Variants in TTC39A observed in about 807,000 individuals in gnomAD.
TTC39A encodes the protein tetratricopeptide repeat protein 39A.
Under a neutral mutation model 82.3 loss-of-function variants are expected in TTC39A, and 46 were observed. The ratio of observed to expected loss-of-function variants is 0.56; its 90% CI spans 0.44 to 0.71. TTC39A has a LOEUF of 0.71. Ranked by LOEUF, TTC39A falls within the 30% of genes least tolerant of loss-of-function variation. TTC39A has a pLI of 0.00. For synonymous variants in TTC39A, 254 were observed against 275.2 expected (o/e 0.92, Z 0.76); for missense variants, 543 against 712.9 (o/e 0.76, Z 2.71).
At chr1:51,320,871 GTTTTTTTTT>G (rs770160259) in intron 2 of TTC39A, among the ~76,000 whole-genome samples, 2 of 126,762 alleles carry the variant, frequency 1.6e-5, no homozygotes, top group African/African-American at 6.3e-5. Context: ...ATGTTTTCTG[GTTTTTTTTT>G]TTTTTTTTTT....
intron 8 of TTC39A, among the ~76,000 whole-genome samples, chr1:51,303,809 C>T (rs901181595): frequency 5.3e-5 from 8 of 152,222 alleles, no homozygotes; most frequent in East Asian, 1.9e-4. Flanking sequence ...CAGTAGGTCC[C>T]GCAACCCTCC....
At chr1:51,344,939 GC>G in intron 1 of TTC39A, 1 of 1,519,940 alleles carries the variant, frequency 6.6e-7, no homozygotes, top group Non-Finnish European at 8.8e-7. Context: ...TCCTCCGGCG[GC>G]CCCTTGGTCC....
chr1:51,321,864 C>T lies in TTC39A; in HGVS notation c.42-39G>A. On this transcript the variant is annotated intron_variant, in intron 1 of 17. Transcript: ENST00000680483. This position sits in a 1 kb window ranked among gnomAD's most constrained non-coding sequence, Gnocchi z 4.6. ...TGCGGGGCATGACACAGGGGCCCTC[C>T]AACCCTCCAGCCTCTCCTGGCTGGA... 2 of 1,569,032 alleles carry T rather than the reference C, an allele frequency of 1.3e-6. No homozygotes were observed. The highest frequency in any genetic ancestry group is 1.4e-5 in the African/African-American group (1 of 74,054).
intron 5 of TTC39A, 64 bp downstream of exon 5, chr1:51,311,190 A>G: frequency 6.7e-7 from 1 of 1,487,290 alleles, no homozygotes; most frequent in Non-Finnish European, 9.1e-7. Context: ...GGGATGGGTC[A>G]TGGTTGGACG....
chr1:51,301,739 G>A lies in TTC39A; in HGVS notation c.892-6C>T, dbSNP rs1197356668. The A allele has an allele frequency of 1.1e-5, 17 of 1,600,690 alleles. No homozygotes were observed. Among genetic ancestry groups the A allele is most frequent in the African/African-American group, 1.3e-5 (1 of 74,890 alleles). ...TCCTCGAAACGCCGGATGGCCTGCA[G>A]GCACCTTCTGGTCAGCCTGACGGGT... On this transcript the variant is annotated splice_region_variant and splice_polypyrimidine_tract_variant and intron_variant, in intron 11 of 17. Transcript: ENST00000680483.
Position 51,330,152 on chromosome 1 carries a change from G to A in TTC39A, c.41+285C>T. ...CAGGAGTGAACGCCACGAGGCAGGT[G>A]GGGAAGGCTGCTCTGAACGTGTCTG... On this transcript the variant is annotated intron_variant, in intron 1 of 17. Coordinates refer to ENST00000680483, the MANE Select transcript of TTC39A (RefSeq NM_001297663.2). This position sits in a 1 kb window ranked among gnomAD's most constrained non-coding sequence, Gnocchi z 4.5. 1 of 985,540 alleles carries A rather than the reference G, an allele frequency of 1.0e-6. No homozygotes were observed. The highest frequency in any genetic ancestry group is 1.2e-6 in the Non-Finnish European group (1 of 830,020). 61.0% of individuals were successfully genotyped at this position (985,540 alleles called of 1,614,324 possible).
chr1:51,344,670 C>T lies in TTC39A; in HGVS notation c.53+321G>A, dbSNP rs191423661. Among the ~76,000 whole-genome samples, 411 of 152,352 alleles carry T rather than the reference C, an allele frequency of 2.7e-3. 3 individuals carry two copies. The highest frequency in any genetic ancestry group is 4.1e-3 in the Non-Finnish European group (281 of 68,028). On this transcript the variant is annotated intron_variant, in intron 1 of 5. Transcript: ENST00000401051. ...GGAGGGTTGAGCGCAGACGCCGCTGCCCAAACCTGACCGCCAGCCCCACCT... is the reference window on the plus strand; with the variant it reads ...GGAGGGTTGAGCGCAGACGCCGCTGTCCAAACCTGACCGCCAGCCCCACCT...
intron 1 of TTC39A, among the ~76,000 whole-genome samples, chr1:51,344,653 G>C (rs948291886): frequency 3.9e-5 from 6 of 152,244 alleles, no homozygotes; most frequent in Non-Finnish European, 7.3e-5. Context: ...ATGGAGGGTT[G>C]AGCGCAGACG....
At chr1:51,290,484 T>C in intron 15 of TTC39A, 30 bp downstream of exon 15, 1 of 1,587,266 alleles carries the variant, frequency 6.3e-7, no homozygotes, top group Non-Finnish European at 8.6e-7. Flanking sequence ...TGACCTAGCA[T>C]GGCAGGCCCA....
chr1:51,311,456 C>G, intron 4 of TTC39A, 135 bp from the exon 5 acceptor site: 1 of 726,556 alleles, frequency 1.4e-6, no homozygotes, highest in African/African-American at 1.8e-5. Context: ...TACCTCGTCA[C>G]CCAGTGCTTC....
At chr1:51,342,338 C>T (rs1557752657) in intron 1 of TTC39A, among the ~76,000 whole-genome samples, 1 of 152,088 alleles carries the variant, frequency 6.6e-6, no homozygotes, top group Non-Finnish European at 1.5e-5. Flanking sequence ...ATAACAGTAC[C>T]GAGAAAGAAG....
At position 51,321,884 on chromosome 1, in the gene TTC39A, G is replaced by A. The variant is rs968572736; in HGVS notation, c.42-59C>T. The A allele has an allele frequency of 5.9e-6, 9 of 1,520,838 alleles. No individual in the cohort carries two copies. Among genetic ancestry groups the A allele is most frequent in the Non-Finnish European group, 8.1e-6 (9 of 1,112,270 alleles). 94.2% of individuals were successfully genotyped at this position (1,520,838 alleles called of 1,614,324 possible). A position where few individuals can be genotyped will look rare whatever the true frequency, so the allele number is the denominator to read the frequency against. On this transcript the variant is annotated intron_variant, in intron 1 of 17. Coordinates refer to ENST00000680483, the MANE Select transcript of TTC39A (RefSeq NM_001297663.2). The surrounding 1 kb of genome is among the most constrained non-coding windows in gnomAD (Gnocchi z 4.6). Reference sequence around the variant, plus strand: ...CCCTCCAACCCTCCAGCCTCTCCTGGCTGGAACAGAGCCTCACAGGGTCTA... The same window carrying A: ...CCCTCCAACCCTCCAGCCTCTCCTGACTGGAACAGAGCCTCACAGGGTCTA...
In TTC39A at chr1:51,314,855, C is replaced by T. The variant is rs12095584; in HGVS notation, c.147-1912G>A. On this transcript the variant is annotated intron_variant, in intron 2 of 17. Coordinates refer to ENST00000680483, the MANE Select transcript of TTC39A (RefSeq NM_001297663.2). ...GCGGAAGGAAAACCTTAACTCTTCT[C>T]CCCAATGGGTTTTTGCATGGCTTAA... Among the ~76,000 whole-genome samples the T allele has an allele frequency of 7.0e-3, 1,072 of 152,332 alleles. 13 individuals carry two copies. The highest frequency in any genetic ancestry group is 0.024 in the African/African-American group (992 of 41,562).
chr1:51,312,355 A>G (rs2148230204), intron 3 of TTC39A, among the ~76,000 whole-genome samples, 160 bp from the exon 4 acceptor site: 1 of 152,312 alleles, frequency 6.6e-6, no homozygotes, highest in Non-Finnish European at 1.5e-5. Flanking sequence ...ATTCTGGCAA[A>G]AAAGTCACTT....
In TTC39A at chr1:51,303,886, C is replaced by A. The variant is rs767119378; in HGVS notation, c.655-694G>T. 2.6e-5 allele frequency among the ~76,000 whole-genome samples: 4 copies of A among 152,222 alleles called. No individual in the cohort carries two copies. In the East Asian group the frequency reaches 7.7e-4, roughly 29 times the overall value. ...CCTGAAATCCTACTCATGACCCATG[C>A]GCTTTCTTAAGGAAACAAAACTGAA... On this transcript the variant is annotated intron_variant, in intron 8 of 17. Coordinates refer to ENST00000680483, the MANE Select transcript of TTC39A (RefSeq NM_001297663.2).
intron 2 of TTC39A, among the ~76,000 whole-genome samples, chr1:51,314,720 A>G (rs778574624): frequency 3.3e-5 from 5 of 152,134 alleles, no homozygotes; most frequent in African/African-American, 4.8e-5. Flanking sequence ...GGCCAGAACC[A>G]GGTTTCAGAG....
At chr1:51,343,172 A>T in intron 1 of TTC39A, 1 of 429,172 alleles carries the variant, frequency 2.3e-6, no homozygotes, top group Non-Finnish European at 4.9e-6. Flanking sequence ...TCTGAGCCCC[A>T]TTATGTGCTG....
chr1:51,324,411 G>C (rs1006953520), intron 1 of TTC39A, among the ~76,000 whole-genome samples: 6 of 152,154 alleles, frequency 3.9e-5, no homozygotes, highest in East Asian at 1.9e-4. Flanking sequence ...AATAGCCTAA[G>C]GTTGCTGTGG....
chr1:51,312,335 G>T, intron 3 of TTC39A, 140 bp from the exon 4 acceptor site: 1 of 884,696 alleles, frequency 1.1e-6, no homozygotes, highest in Non-Finnish European at 1.7e-6. Context: ...TCAAACAGAA[G>T]AGGTTTGATA....
Sources: allele counts gnomAD v4.1 joint callset (sites outside exome capture counted in the v4.1 genomes callset), GRCh38; gene constraint gnomAD v4.1.1; non-coding constraint Gnocchi (gnomAD v3.1); transcripts MANE v1.5; gene names NCBI Gene and HGNC (gene_info 2026-07-23, HGNC 2026-07-21).